SLC2A2: variants seen among roughly 807,000 people sequenced by gnomAD.
The protein encoded by SLC2A2 is solute carrier family 2 member 2, also known as solute carrier family 2, facilitated glucose transporter member 2.
SLC2A2 carries 36 observed loss-of-function variants against 54.5 expected under a neutral mutation model. The observed-to-expected ratio is 0.66, with a 90% CI of 0.51 to 0.87. The LOEUF (loss-of-function observed/expected upper bound fraction) is 0.87. Ranked by LOEUF, SLC2A2 falls within the 40% of genes least tolerant of loss-of-function variation. The pLI, the probability that SLC2A2 is intolerant of heterozygous loss-of-function variation, is 0.00. For missense variants in SLC2A2, 543 were observed against 624.3 expected, an observed-to-expected ratio of 0.87 and a Z score of 1.39; for synonymous variants, 223 against 219.1, an observed-to-expected ratio of 1.02 and a Z score of -0.16.
intron 1 of SLC2A2, among the ~76,000 whole-genome samples, chr3:171,025,208 A>G (rs1263312865): frequency 6.6e-6 from 1 of 151,864 alleles, no homozygotes; most frequent in Non-Finnish European, 1.5e-5. Context: ...TATTCTTTAA[A>G]TACATACTAT....
chr3:171,013,334 C>T (rs1168017824), intron 3 of SLC2A2, among the ~76,000 whole-genome samples: 2 of 151,706 alleles, frequency 1.3e-5, no homozygotes, highest in African/African-American at 2.4e-5. Context: ...TTTATTAATC[C>T]GTATTTTACA....
intron 1 of SLC2A2, among the ~76,000 whole-genome samples, chr3:171,019,190 C>A (rs1716338762): frequency 7.0e-6 from 1 of 141,878 alleles, no homozygotes; most frequent in Admixed American, 7.3e-5. Flanking sequence ...GGACTGAGAA[C>A]TAGAATAGCT....
At chr3:171,005,691 CATT>C (rs1715562760) in intron 6 of SLC2A2, among the ~76,000 whole-genome samples, 1 of 151,956 alleles carries the variant, frequency 6.6e-6, no homozygotes, top group South Asian at 2.1e-4. Flanking sequence ...CTATGATCCT[CATT>C]ATATTAGAAG....
intron 7 of SLC2A2, among the ~76,000 whole-genome samples, chr3:171,003,070 A>G (rs947406773): frequency 2.0e-5 from 3 of 152,036 alleles, no homozygotes; most frequent in African/African-American, 4.8e-5. Context: ...CCACCCCTCC[A>G]GAAACTTCTT....
chr3:170,996,486 C>T lies in SLC2A2; in HGVS notation c.*1417G>A, dbSNP rs551252644. The T allele has an allele frequency of 2.5e-6, 1 of 396,064 alleles. No individual in the cohort carries two copies. Among genetic ancestry groups the T allele is most frequent in the African/African-American group, 2.1e-5 (1 of 48,626 alleles). 24.5% of individuals were successfully genotyped at this position (396,064 alleles called of 1,614,324 possible). A position where few individuals can be genotyped will look rare whatever the true frequency, so the allele number is the denominator to read the frequency against. ...TTTTAAAAAGTGCTTTTCTTCAATA[C>T]ACATTAAAGCAAACATAAGAAGGAT... On this transcript the variant is annotated 3_prime_UTR_variant, in exon 11 of 11. Coordinates refer to ENST00000314251, the MANE Select transcript of SLC2A2 (RefSeq NM_000340.2).
chr3:171,002,180 G>C (rs190306753), intron 8 of SLC2A2, among the ~76,000 whole-genome samples: 1 of 151,894 alleles, frequency 6.6e-6, no homozygotes, highest in Non-Finnish European at 1.5e-5. Flanking sequence ...TTTGAACTAT[G>C]TAAAAAGAGG....
At chr3:171,001,494 C>T (rs1560032891) in intron 8 of SLC2A2, among the ~76,000 whole-genome samples, 1 of 151,866 alleles carries the variant, frequency 6.6e-6, no homozygotes, top group Non-Finnish European at 1.5e-5. Context: ...GACAAACCTG[C>T]CTTTTGATCT....
At chr3:171,025,766 T>G (rs1716659211) in intron 1 of SLC2A2, among the ~76,000 whole-genome samples, 1 of 152,126 alleles carries the variant, frequency 6.6e-6, no homozygotes, top group Non-Finnish European at 1.5e-5. Flanking sequence ...ATTGATCAAC[T>G]TATATGATTG....
chr3:171,020,061 C>G (rs1470268417), intron 1 of SLC2A2, among the ~76,000 whole-genome samples: 1 of 152,060 alleles, frequency 6.6e-6, no homozygotes, highest in African/African-American at 2.4e-5. Context: ...AACATGGATT[C>G]CAGTTCTCAC....
chr3:171,014,614 G>C lies in SLC2A2; in HGVS notation c.226C>G (p.Pro76Ala), dbSNP rs1274084408. 4.8e-5 allele frequency: 77 copies of C among 1,614,096 alleles called. 1 individual carries two copies. The highest frequency in any genetic ancestry group is 6.4e-5 in the Non-Finnish European group (75 of 1,180,020). ...ELPTISYSMN[P>A]KPTPWAEEET... ...TCCTCAGCCCAAGGGGTTGGTTTTG[G>C]GTTCATTGAGTATGAGATTGTGGGC... The change falls in exon 3 of 11, where the codon CCA (proline) becomes GCA (alanine). Residue 76 changes from proline to alanine, a missense_variant. Physicochemically the swap from Pro to Ala is conservative, Grantham distance 27. Transcript: ENST00000314251.
rs759732216 is a variant in SLC2A2, at chr3:170,998,101, G to A, written c.1377C>T (p.Asp459=). ...IVALCFQYIA[D]FCGPYVFFLF... ...GGAAAAACACATAAGGTCCACAGAA[G>A]TCCTGGATAGAAAGCAAACACAGAC... The change falls in exon 11 of 11, where the codon GAC becomes GAT. Residue 459 remains aspartate, a splice_region_variant and synonymous_variant. Coordinates refer to ENST00000314251, the MANE Select transcript of SLC2A2 (RefSeq NM_000340.2). 16 of 1,613,584 alleles carry A rather than the reference G, an allele frequency of 9.9e-6. 1 individual carries two copies. The South Asian group carries it at 1.8e-4, about 18-fold the overall frequency.
At chr3:171,006,205 T>C (rs1715597936) in intron 5 of SLC2A2, 100 bp from the exon 6 acceptor site, 2 of 1,069,746 alleles carry the variant, frequency 1.9e-6, no homozygotes, top group African/African-American at 3.2e-5. Flanking sequence ...AATAGTAGTC[T>C]CTGACAACTT....
intron 1 of SLC2A2, among the ~76,000 whole-genome samples, chr3:171,019,124 CGTATGTATATATATATATATATATATAT>C (rs1716326060): frequency 1.8e-4 from 1 of 5,612 alleles, no homozygotes; most frequent in African/African-American, 7.5e-4. Flanking sequence ...TATATATATA[CGTATGTATATATATATATATATATATAT>C]ATACGTATGT....
intron 8 of SLC2A2, among the ~76,000 whole-genome samples, chr3:171,001,803 A>G (rs780178068): frequency 2.5e-4 from 33 of 129,514 alleles, no homozygotes; most frequent in Non-Finnish European, 2.1e-4. Flanking sequence ...TTAATATATA[A>G]GAACCATCAC....
chr3:171,013,156 A>AT (rs1261527282), intron 3 of SLC2A2, among the ~76,000 whole-genome samples: 3 of 152,034 alleles, frequency 2.0e-5, no homozygotes, highest in African/African-American at 7.2e-5. Context: ...TTACTTAAAA[A>AT]TTTTTTTTAA....
intron 8 of SLC2A2, among the ~76,000 whole-genome samples, chr3:171,000,702 A>G (rs1306545436): frequency 6.6e-6 from 1 of 151,622 alleles, no homozygotes; most frequent in Non-Finnish European, 1.5e-5. Flanking sequence ...AAAATATAGG[A>G]TGTGGAACAC....
Position 171,002,619 on chromosome 3 carries a change from G to T in SLC2A2, c.1025C>A (p.Thr342Asn), listed in dbSNP as rs773717998. ...TAGISKPVYA[T>N]IGVGAVNMVF... ...CATGTTTACAGCGCCAACTCCAATG[G>T]TTGCATAAACAGGTTTGCTGATACC... The change falls in exon 8 of 11, where the codon ACC becomes AAC. Residue 342 changes from threonine (T) to asparagine (N), a missense_variant. Thr to Asn is a moderately conservative substitution (Grantham distance 65). Coordinates refer to ENST00000314251, the MANE Select transcript of SLC2A2 (RefSeq NM_000340.2). 2 of 1,611,288 alleles carry T rather than the reference G, an allele frequency of 1.2e-6. No homozygotes were observed. Among genetic ancestry groups the T allele is most frequent in the South Asian group, 2.2e-5 (2 of 90,804 alleles).
chr3:170,996,994 G>T lies in SLC2A2; in HGVS notation c.*909C>A. 1 of 209,274 alleles carries T rather than the reference G, an allele frequency of 4.8e-6. No individual in the cohort carries two copies. Among genetic ancestry groups the T allele is most frequent in the African/African-American group, 2.3e-5 (1 of 43,688 alleles). 13.0% of individuals were successfully genotyped at this position (209,274 alleles called of 1,614,324 possible). On this transcript the variant is annotated 3_prime_UTR_variant, in exon 11 of 11. Transcript: ENST00000314251. The stretch of plus-strand genomic sequence containing the variant: ...CTTTACTTCAAATTTTCTTACATTA[G>T]ATTTGATCAAACTTATTAGGAATTT...
intron 1 of SLC2A2, among the ~76,000 whole-genome samples, chr3:171,022,428 C>T (rs60354090): frequency 0.15 from 22,376 of 152,202 alleles, 2,181 homozygotes; most frequent in African/African-American, 0.27. Flanking sequence ...CCACCACCTA[C>T]CACACAAATC....
Sources: gnomAD v4.1 joint callset for allele counts (sites outside exome capture counted in the v4.1 genomes callset) on GRCh38, gnomAD v4.1.1 for gene constraint, MANE v1.5 for transcripts, NCBI Gene and HGNC (gene_info 2026-07-23, HGNC 2026-07-21) for gene names.